The following ZNF592 variants were observed in gnomAD, a reference collection of about 807,000 sequenced individuals.
The protein encoded by ZNF592 is spinocerebellar ataxia, autosomal recessive 5.
A neutral mutation model predicts 80.3 loss-of-function variants in ZNF592; 11 were observed. That is an observed-to-expected ratio of 0.14 (90% CI 0.09 to 0.23). ZNF592 has a LOEUF of 0.23. Ranked by LOEUF, ZNF592 falls within the 10% of genes least tolerant of loss-of-function variation. The pLI is 1.00. For synonymous variants in ZNF592, 646 were observed against 640.3 expected, an observed-to-expected ratio of 1.01 and a Z score of -0.13; for missense variants, 1,420 against 1,633.9, an observed-to-expected ratio of 0.87 and a Z score of 2.26.
At position 84,798,673 on chromosome 15, in the gene ZNF592, GAGT is replaced by G. The variant is rs753830286; in HGVS notation, c.2823_2825del (p.Val942del). ...ACATCCTCAAGCCGCCCTGGCTCTCGAGTTCCCACTGAGCCACCAGCCACTAGT... is the reference window on the plus strand; with the variant it reads ...ACATCCTCAAGCCGCCCTGGCTCTCGTCCCACTGAGCCACCAGCCACTAGT... On this transcript the variant is annotated inframe_deletion, in exon 8 of 11. Coordinates refer to ENST00000560079, the MANE Select transcript of ZNF592 (RefSeq NM_014630.3). The surrounding 1 kb of genome is among the most constrained non-coding windows in gnomAD (Gnocchi z 4.5). 2.5e-6 allele frequency: 4 copies of G among 1,613,572 alleles called. No homozygotes were observed. The highest frequency in any genetic ancestry group is 3.4e-6 in the Non-Finnish European group (4 of 1,180,030).
rs1477853515 is a variant in ZNF592, at chr15:84,802,874, G to C, written c.*481G>C. ...GTGCTGACACAGTCCCTCTGGGAGA[G>C]CTCTGCCTAGTCTGGTTTGGCGAGG... On this transcript the variant is annotated 3_prime_UTR_variant, in exon 11 of 11. Coordinates refer to ENST00000560079, the MANE Select transcript of ZNF592 (RefSeq NM_014630.3). 5.8e-6 allele frequency: 1 copy of C among 172,670 alleles called. No individual in the cohort carries two copies. The highest frequency in any genetic ancestry group is 1.3e-5 in the Non-Finnish European group (1 of 79,226). The allele number at this position is 172,670 out of a possible 1,614,324, so 10.7% of individuals were successfully genotyped here. A position where few individuals can be genotyped will look rare whatever the true frequency, so the allele number is the denominator to read the frequency against.
chr15:84,751,768 G>C (rs191390887), intron 1 of ZNF592, among the ~76,000 whole-genome samples: 37 of 152,102 alleles, frequency 2.4e-4, no homozygotes, highest in African/African-American at 8.4e-4. Flanking sequence ...AGCTGGGCAT[G>C]GTGGCACGCG....
In ZNF592 at chr15:84,784,213, A is replaced by C; in HGVS notation, c.1538A>C (p.His513Pro). Residue 513 changes from histidine (H) to proline (P), a missense_variant, in exon 4 of 11, where the codon CAC (histidine) becomes CCC (proline). By Grantham distance (77) the His-to-Pro change is moderately conservative. Transcript: ENST00000560079. The surrounding 1 kb of genome is among the most constrained non-coding windows in gnomAD (Gnocchi z 5.8). ...VHLANLNLVP[H>P]SVAASVTAKS... The stretch of plus-strand genomic sequence containing the variant: ...TTGGCCAACCTGAACCTCGTCCCCC[A>C]CAGTGTTGCTGCATCAGTGACAGCC... 6.2e-7 allele frequency: 1 copy of C among 1,614,192 alleles called. No homozygotes were observed. Among genetic ancestry groups the C allele is most frequent in the Non-Finnish European group, 8.5e-7 (1 of 1,180,024 alleles).
In ZNF592 at chr15:84,751,777, C is replaced by T. The variant is rs139878979; in HGVS notation, c.-259+3113C>T. ...AAAATTAGCTGGGCATGGTGGCACG[C>T]GCCTGTAGTCCCAGCTTCTCAGGAG... is the stretch of plus-strand genomic sequence containing the variant. On this transcript the variant is annotated intron_variant, in intron 1 of 10. Coordinates refer to ENST00000560079, the MANE Select transcript of ZNF592 (RefSeq NM_014630.3). Among the ~76,000 whole-genome samples the T allele has an allele frequency of 4.0e-3, 603 of 151,984 alleles. 1 individual carries two copies. Among genetic ancestry groups the T allele is most frequent in the Non-Finnish European group, 6.1e-3 (416 of 67,968 alleles).
chr15:84,756,041 C>T (rs983402678), intron 1 of ZNF592, among the ~76,000 whole-genome samples: 2 of 152,140 alleles, frequency 1.3e-5, no homozygotes, highest in African/African-American at 4.8e-5. Flanking sequence ...GGGCTGACTC[C>T]TATGGACCAT....
intron 4 of ZNF592, among the ~76,000 whole-genome samples, chr15:84,787,674 G>A (rs1962630152): frequency 1.3e-5 from 2 of 152,204 alleles, no homozygotes; most frequent in African/African-American, 4.8e-5. Flanking sequence ...GGGGCAGGAT[G>A]TCAGCCAGAT....
In ZNF592 at chr15:84,777,401, G is replaced by A. The variant is rs370640227; in HGVS notation, c.-149-782G>A. Among the ~76,000 whole-genome samples the A allele has an allele frequency of 7.0e-3, 1,060 of 151,144 alleles. 11 individuals are homozygous for A. The highest frequency in any genetic ancestry group is 0.012 in the Non-Finnish European group (796 of 67,832). ...CTGAGCAGGAGAGTTGCTGGAACCC[G>A]GGAAGTGGAGGTTGCAGTGAGCCGA... is the stretch of plus-strand genomic sequence containing the variant. On this transcript the variant is annotated intron_variant, in intron 2 of 10. Coordinates refer to ENST00000560079, the MANE Select transcript of ZNF592 (RefSeq NM_014630.3).
chr15:84,753,717 C>T (rs755603825), intron 1 of ZNF592, among the ~76,000 whole-genome samples: 1 of 152,218 alleles, frequency 6.6e-6, no homozygotes, highest in African/African-American at 2.4e-5. Flanking sequence ...AAATGATCCG[C>T]CTGCCTTGGC....
At position 84,783,234 on chromosome 15, in the gene ZNF592, G is replaced by C. The variant is rs777471463; in HGVS notation, c.559G>C (p.Ala187Pro). ...GGGAGGCCCAGTCCTGGAGGCTCTG[G>C]CTAAGTTTCCGGTTCCAGAGCTGCA... ...AVGGPVLEAL[A>P]KFPVPELHMF... The change falls in exon 4 of 11, where the codon GCT becomes CCT. Residue 187 changes from alanine to proline, a missense_variant. Around this residue, in one of 7 missense-constraint regions of ZNF592, gnomAD observed 373 missense variants for 355.5 expected, o/e 1.05. Coordinates refer to ENST00000560079, the MANE Select transcript of ZNF592 (RefSeq NM_014630.3). The surrounding 1 kb of genome is among the most constrained non-coding windows in gnomAD (Gnocchi z 5.0). 2 of 1,614,076 alleles carry C rather than the reference G, an allele frequency of 1.2e-6. No homozygotes were observed. The highest frequency in any genetic ancestry group is 2.2e-5 in the East Asian group (1 of 44,900).
intron 2 of ZNF592, among the ~76,000 whole-genome samples, chr15:84,771,690 CT>C (rs1962080732): frequency 6.6e-6 from 1 of 152,126 alleles, no homozygotes; most frequent in African/African-American, 2.4e-5. Flanking sequence ...CCTGAGCCCA[CT>C]GGGGCAGCTG....
At chr15:84,794,875 A>G (rs1239354803) in intron 5 of ZNF592, among the ~76,000 whole-genome samples, 1 of 152,072 alleles carries the variant, frequency 6.6e-6, no homozygotes, top group East Asian at 1.9e-4. Flanking sequence ...AGAGTTTTTT[A>G]TATCTTCTGA....
At chr15:84,785,142 T>G (rs1362388212) in intron 4 of ZNF592, among the ~76,000 whole-genome samples, 2 of 152,130 alleles carry the variant, frequency 1.3e-5, no homozygotes, top group Non-Finnish European at 2.9e-5. Context: ...CAACTTCCCC[T>G]CAAAGGGTCT....
At chr15:84,777,491 GA>G (rs918971496) in intron 2 of ZNF592, among the ~76,000 whole-genome samples, 7 of 140,116 alleles carry the variant, frequency 5.0e-5, no homozygotes, top group African/African-American at 5.2e-5. Context: ...AAAAAAAAAA[GA>G]AAAAAAAAAG....
At chr15:84,754,247 A>C (rs1191511211) in intron 1 of ZNF592, among the ~76,000 whole-genome samples, 1 of 152,126 alleles carries the variant, frequency 6.6e-6, no homozygotes. Context: ...TCAGATTCTG[A>C]AAGTGTTAAA....
chr15:84,774,125 C>T (rs1002556103), intron 2 of ZNF592, among the ~76,000 whole-genome samples: 2 of 152,216 alleles, frequency 1.3e-5, no homozygotes, highest in African/African-American at 4.8e-5. Context: ...TTTGCCTTCA[C>T]TGATGGTCAC....
intron 10 of ZNF592, 69 bp downstream of exon 10, chr15:84,800,046 A>C (rs1667937189): frequency 1.2e-6 from 2 of 1,610,708 alleles, no homozygotes; most frequent in Admixed American, 3.3e-5. Flanking sequence ...GGGCATTAGG[A>C]AGGCTACTGT....
intron 2 of ZNF592, among the ~76,000 whole-genome samples, chr15:84,768,804 C>CT (rs1297072566): frequency 6.6e-6 from 1 of 152,186 alleles, no homozygotes; most frequent in Non-Finnish European, 1.5e-5. Context: ...GAAGGTCTCT[C>CT]TAAAATTTTA....
chr15:84,763,134 G>A (rs1899401050), intron 1 of ZNF592, among the ~76,000 whole-genome samples: 3 of 152,214 alleles, frequency 2.0e-5, no homozygotes, highest in South Asian at 2.1e-4. Context: ...AAGTACAGGG[G>A]CAGCTTGGTC....
At chr15:84,796,286 TATATATATAAA>T (rs1962917571) in intron 5 of ZNF592, among the ~76,000 whole-genome samples, 1 of 52,884 alleles carries the variant, frequency 1.9e-5, no homozygotes, top group African/African-American at 1.1e-4. Flanking sequence ...TATATATATA[TATATATATAAA>T]AAAACGAAGG....
Sources: gnomAD v4.1 joint callset for allele counts (sites outside exome capture counted in the v4.1 genomes callset) on GRCh38, gnomAD v4.1.1 for gene constraint, gnomAD v4.1.1 regional missense constraint, Gnocchi (gnomAD v3.1) non-coding constraint, MANE v1.5 for transcripts, NCBI Gene and HGNC (gene_info 2026-07-23, HGNC 2026-07-21) for gene names.